GPBP1L1: variants seen among roughly 807,000 people sequenced by gnomAD.
The protein encoded by GPBP1L1 is vasculin-like protein 1.
A neutral mutation model predicts 52.5 loss-of-function variants in GPBP1L1; 23 were observed. The observed-to-expected ratio is 0.44, with a 90% CI of 0.32 to 0.62. The LOEUF is 0.62. Ranked by LOEUF, GPBP1L1 falls within the 20% of genes least tolerant of loss-of-function variation. The pLI, the probability that GPBP1L1 is intolerant of heterozygous loss-of-function variation, is 0.06. For missense variants in GPBP1L1, 596 were observed against 579.3 expected (o/e 1.03, Z -0.30); for synonymous variants, 243 against 203.1 (o/e 1.20, Z -1.67).
chr1:45,670,130 C>T (rs750020483), intron 2 of GPBP1L1, among the ~76,000 whole-genome samples: 2 of 152,222 alleles, frequency 1.3e-5, no homozygotes, highest in Admixed American at 6.5e-5. Context: ...GCATTTTAAG[C>T]GTTCCATCTG....
At chr1:45,655,166 T>C (rs1644869453) in intron 5 of GPBP1L1, 24 bp downstream of exon 5, 3 of 1,613,678 alleles carry the variant, frequency 1.9e-6, no homozygotes, top group Non-Finnish European at 2.5e-6. Context: ...TTAAATATAG[T>C]CATGAAAGTT....
At chr1:45,641,985 A>T (rs1644680706) in intron 7 of GPBP1L1, among the ~76,000 whole-genome samples, 1 of 152,136 alleles carries the variant, frequency 6.6e-6, no homozygotes, top group Admixed American at 6.5e-5. Context: ...AGAATTCAAG[A>T]CAAGCCTGAT....
At position 45,646,272 on chromosome 1, in the gene GPBP1L1, A is replaced by G. The variant is rs374589925; in HGVS notation, c.478-3773T>C. ...ACATTGATGTTTGTCTGTGATCTTT[A>G]TAACTGAACATTAGCTTGACAAAGC... On this transcript the variant is annotated intron_variant, in intron 6 of 12. Coordinates refer to ENST00000355105, the MANE Select transcript of GPBP1L1 (RefSeq NM_021639.5). The G allele has an allele frequency of 1.3e-3, 258 of 202,402 alleles. 3 individuals carry two copies. In the South Asian group the frequency reaches 0.018, roughly 14 times the overall value. 12.5% of individuals were successfully genotyped at this position (202,402 alleles called of 1,614,324 possible).
chr1:45,664,058 C>A (rs780052754), intron 2 of GPBP1L1, among the ~76,000 whole-genome samples: 1 of 151,904 alleles, frequency 6.6e-6, no homozygotes, highest in Non-Finnish European at 1.5e-5. Context: ...TTGGGCCAGG[C>A]GCGGTGGCTC....
intron 6 of GPBP1L1, among the ~76,000 whole-genome samples, chr1:45,648,489 C>G (rs1179696393): frequency 6.6e-6 from 1 of 152,172 alleles, no homozygotes; most frequent in Non-Finnish European, 1.5e-5. Flanking sequence ...GCCCTACGAG[C>G]TTTCCAGAAA....
At chr1:45,640,463 A>G in intron 7 of GPBP1L1, 60 bp from the exon 8 acceptor site, 2 of 1,405,042 alleles carry the variant, frequency 1.4e-6, no homozygotes. Context: ...AACATGAAGC[A>G]TAGTTTATAC....
intron 2 of GPBP1L1, among the ~76,000 whole-genome samples, chr1:45,685,113 G>A (rs1271599630): frequency 6.7e-6 from 1 of 150,328 alleles, no homozygotes; most frequent in Non-Finnish European, 1.5e-5. Context: ...AAAAGGGCAC[G>A]ACAATCAGGT....
chr1:45,658,164 T>A (rs1041023282), intron 4 of GPBP1L1, among the ~76,000 whole-genome samples: 11 of 152,106 alleles, frequency 7.2e-5, no homozygotes, highest in African/African-American at 2.7e-4. Flanking sequence ...ACAACACACA[T>A]CCCCCCTGAA....
rs540271429 is a variant in GPBP1L1, at chr1:45,640,602, G to T, written c.551-199C>A. On this transcript the variant is annotated intron_variant, in intron 7 of 12. Transcript: ENST00000355105. ...TGTACAAAAAAATGCAGCATATGAG[G>T]AACTGGATACTAAATTTATAAATCA... Among the ~76,000 whole-genome samples the T allele has an allele frequency of 1.2e-4, 18 of 152,300 alleles. No homozygotes were observed. In the East Asian group the frequency reaches 3.5e-3, roughly 29 times the overall value.
chr1:45,648,113 AT>A (rs1306949364), intron 6 of GPBP1L1, among the ~76,000 whole-genome samples: 3 of 151,856 alleles, frequency 2.0e-5, no homozygotes, highest in Non-Finnish European at 2.9e-5. Flanking sequence ...TAATTTTTAA[AT>A]TTTTTGTAGA....
intron 8 of GPBP1L1, among the ~76,000 whole-genome samples, chr1:45,638,661 T>C (rs1041495569): frequency 6.6e-6 from 1 of 152,072 alleles, no homozygotes; most frequent in Non-Finnish European, 1.5e-5. Context: ...ATTCAGAGGG[T>C]GAGCACGGTG....
chr1:45,652,740 T>C (rs984612790), intron 6 of GPBP1L1, among the ~76,000 whole-genome samples: 2 of 151,798 alleles, frequency 1.3e-5, no homozygotes, highest in African/African-American at 2.4e-5. Context: ...TTTTAAGAGA[T>C]AGAGTCTTGC....
At chr1:45,670,681 T>C (rs1645063258) in intron 2 of GPBP1L1, among the ~76,000 whole-genome samples, 1 of 152,194 alleles carries the variant, frequency 6.6e-6, no homozygotes, top group Admixed American at 6.5e-5. Context: ...TTCCACTGAT[T>C]TATACAGCCA....
At chr1:45,662,039 G>A (rs1644953104) in intron 2 of GPBP1L1, among the ~76,000 whole-genome samples, 1 of 152,100 alleles carries the variant, frequency 6.6e-6, no homozygotes, top group South Asian at 2.1e-4. Context: ...TTAGATACCT[G>A]GCTCTCAATT....
intron 6 of GPBP1L1, chr1:45,651,592 C>T (rs1280194187): frequency 7.6e-6 from 5 of 659,900 alleles, no homozygotes; most frequent in Admixed American, 2.0e-5. Flanking sequence ...ACTGGTTAAT[C>T]GCAGGAGGCA....
intron 8 of GPBP1L1, among the ~76,000 whole-genome samples, chr1:45,637,870 T>C (rs1644616111): frequency 6.6e-6 from 1 of 152,122 alleles, no homozygotes; most frequent in Non-Finnish European, 1.5e-5. Flanking sequence ...ATTTTCTCAT[T>C]TACTCCTCAC....
In GPBP1L1 at chr1:45,664,136, T is replaced by C. The variant is rs1054538861; in HGVS notation, c.-1097-2911A>G. ...TCACGAGGTCAGGAAATCGAGACCA[T>C]GGTAAAACTCCGTCTCTACTAAAAA... On this transcript the variant is annotated intron_variant, in intron 2 of 12. Coordinates refer to ENST00000355105, the MANE Select transcript of GPBP1L1 (RefSeq NM_021639.5). Among the ~76,000 whole-genome samples, 8 of 152,086 alleles carry C rather than the reference T, an allele frequency of 5.3e-5. No individual in the cohort carries two copies. The South Asian group carries it at 1.7e-3, about 32-fold the overall frequency.
chr1:45,640,115 C>T, intron 8 of GPBP1L1, 95 bp downstream of exon 8: 2 of 873,164 alleles, frequency 2.3e-6, no homozygotes. Flanking sequence ...TATCTGGTGA[C>T]TGATGCGGCA....
rs557904230 is a variant in GPBP1L1, at chr1:45,644,572, T to G, written c.478-2073A>C. 5.3e-5 allele frequency among the ~76,000 whole-genome samples: 8 copies of G among 151,942 alleles called. No homozygotes were observed. In the South Asian group the frequency reaches 1.7e-3, roughly 32 times the overall value. On this transcript the variant is annotated intron_variant, in intron 6 of 12. Transcript: ENST00000355105. Reference sequence around the variant, plus strand: ...TGATCACTGCATTTTTTTTTTTTACTAACCCATTGTGTCTCCCTTGACACT... The same window carrying G: ...TGATCACTGCATTTTTTTTTTTTACGAACCCATTGTGTCTCCCTTGACACT...
Sources: gnomAD v4.1 joint callset for allele counts (sites outside exome capture counted in the v4.1 genomes callset) on GRCh38, gnomAD v4.1.1 for gene constraint, MANE v1.5 for transcripts, NCBI Gene and HGNC (gene_info 2026-07-23, HGNC 2026-07-21) for gene names.